SI: variants seen among roughly 807,000 people sequenced by gnomAD.
The protein encoded by SI is sucrase-isomaltase, intestinal.
A neutral mutation model predicts 253.3 loss-of-function variants in SI; 235 were observed. The ratio of observed to expected loss-of-function variants is 0.93; its 90% CI spans 0.83 to 1.03. SI has a LOEUF of 1.03. Ranked by LOEUF, SI falls within the 50% of genes least tolerant of loss-of-function variation. The probability of loss-of-function intolerance (pLI) is 0.00; values close to 1 mark genes in which losing one functional copy is unlikely to be tolerated. For missense variants in SI, 2,442 were observed against 2,211.1 expected (o/e 1.10, Z -2.09); for synonymous variants, 819 against 712.0 (o/e 1.15, Z -2.39).
At chr3:165,006,233 C>T (rs571037261) in intron 37 of SI, among the ~76,000 whole-genome samples, 87 of 152,242 alleles carry the variant, frequency 5.7e-4, no homozygotes, top group African/African-American at 2.0e-3. Flanking sequence ...CTCAGCCTCC[C>T]GAGTAACTGG....
At position 164,987,125 on chromosome 3, in the gene SI, A is replaced by G. The variant is rs1717475148; in HGVS notation, c.5197+13T>C. ...GACATCAATTAAATTTATCTACTAA[A>G]TCGAGCACTCACCTATACTCTCTCC... On this transcript the variant is annotated intron_variant, in intron 45 of 47. Coordinates refer to ENST00000264382, the MANE Select transcript of SI (RefSeq NM_001041.4). 2.5e-6 allele frequency: 4 copies of G among 1,591,414 alleles called. No individual in the cohort carries two copies. Among genetic ancestry groups the G allele is most frequent in the Non-Finnish European group, 3.4e-6 (4 of 1,159,690 alleles).
chr3:165,001,849 A>G (rs1455565497), intron 37 of SI, among the ~76,000 whole-genome samples: 1 of 151,484 alleles, frequency 6.6e-6, no homozygotes, highest in Non-Finnish European at 1.5e-5. Context: ...ATAGTTTACA[A>G]TGCCCCCACT....
intron 21 of SI, among the ~76,000 whole-genome samples, chr3:165,037,284 C>T (rs909415856): frequency 1.3e-5 from 2 of 151,878 alleles, no homozygotes; most frequent in Admixed American, 1.3e-4. Context: ...AGAGTAACTT[C>T]CTGTTGGGTT....
chr3:164,999,846 A>T (rs903457811), intron 37 of SI, among the ~76,000 whole-genome samples: 4 of 151,702 alleles, frequency 2.6e-5, no homozygotes, highest in African/African-American at 9.7e-5. Flanking sequence ...TCACTTGCTA[A>T]TAAAGGCAAT....
At chr3:165,036,861 T>C (rs1421043757) in intron 21 of SI, among the ~76,000 whole-genome samples, 2 of 151,328 alleles carry the variant, frequency 1.3e-5, no homozygotes, top group East Asian at 3.9e-4. Context: ...CTACATCTTA[T>C]GAGAAAAAAA....
At chr3:165,051,546 T>G (rs935520495) in intron 13 of SI, among the ~76,000 whole-genome samples, 1 of 152,060 alleles carries the variant, frequency 6.6e-6, no homozygotes, top group African/African-American at 2.4e-5. Flanking sequence ...GTAAACTACA[T>G]TTTTCTTCAT....
intron 33 of SI, among the ~76,000 whole-genome samples, 195 bp downstream of exon 33, chr3:165,014,928 C>G (rs1303427850): frequency 6.6e-6 from 1 of 152,032 alleles, no homozygotes; most frequent in East Asian, 1.9e-4. Context: ...CATATTTGGA[C>G]ATGTGACTTA....
intron 33 of SI, 104 bp from the exon 34 acceptor site, chr3:165,013,146 C>T (rs1392211566): frequency 2.2e-5 from 17 of 789,580 alleles, no homozygotes; most frequent in Non-Finnish European, 3.5e-5. Context: ...ATTATTAACT[C>T]AAAGTCTTCA....
At chr3:164,985,926 G>A (rs1717411889) in intron 45 of SI, among the ~76,000 whole-genome samples, 1 of 152,086 alleles carries the variant, frequency 6.6e-6, no homozygotes, top group African/African-American at 2.4e-5. Context: ...AATTTCACAT[G>A]GCTAGGAGTT....
At chr3:165,033,264 A>G in intron 23 of SI, 131 bp downstream of exon 23, 1 of 662,368 alleles carries the variant, frequency 1.5e-6, no homozygotes, top group Non-Finnish European at 2.2e-6. Flanking sequence ...TAATTGAACA[A>G]TTTATTTCAT....
intron 22 of SI, among the ~76,000 whole-genome samples, chr3:165,034,249 A>C (rs1032157153): frequency 6.6e-6 from 1 of 151,934 alleles, no homozygotes; most frequent in Non-Finnish European, 1.5e-5. Context: ...TTAAATGCAC[A>C]TAGCTACATA....
chr3:165,008,518 A>AT (rs1170882667), intron 35 of SI, among the ~76,000 whole-genome samples: 1 of 151,902 alleles, frequency 6.6e-6, no homozygotes. Context: ...GAAAAAGATA[A>AT]TTTTCTCTGG....
chr3:165,055,069 T>C (rs1713629838), intron 13 of SI, 125 bp downstream of exon 13: 2 of 642,696 alleles, frequency 3.1e-6, no homozygotes, highest in Non-Finnish European at 5.5e-6. Context: ...GGAAAAAACA[T>C]TATAGTAGCT....
chr3:165,090,012 G>A, the SI span, among the ~76,000 whole-genome samples: 1 of 151,960 alleles, frequency 6.6e-6, no homozygotes, highest in Non-Finnish European at 1.5e-5. Flanking sequence ...TGAAATCTTG[G>A]GAATTGCAAT....
At chr3:165,033,175 A>G (rs1483695321) in intron 23 of SI, among the ~76,000 whole-genome samples, 1 of 151,572 alleles carries the variant, frequency 6.6e-6, no homozygotes, top group African/African-American at 2.4e-5. Context: ...GTTTCTTTCC[A>G]TCAATTACAT....
At chr3:164,989,805 A>G (rs889143006) in intron 44 of SI, among the ~76,000 whole-genome samples, 2 of 152,206 alleles carry the variant, frequency 1.3e-5, no homozygotes, top group Middle Eastern at 3.2e-3. Context: ...TTAAATGCAT[A>G]TAACTAAGTA....
In SI at chr3:164,991,492, G is replaced by GATGGA; in HGVS notation, c.4984-20_4984-16dup. On this transcript the variant is annotated splice_polypyrimidine_tract_variant and intron_variant, in intron 43 of 47. Transcript: ENST00000264382. ...ATATCTTTGCCCTGGAAATGAAAGG[G>GATGGA]ATGGAAAGAACAGGTGGAGCAAGAA... 1 of 1,613,152 alleles carries GATGGA rather than the reference G, an allele frequency of 6.2e-7. No homozygotes were observed. The highest frequency in any genetic ancestry group is 8.5e-7 in the Non-Finnish European group (1 of 1,179,364).
At position 165,039,424 on chromosome 3, in the gene SI, T is replaced by C. The variant is rs112824421; in HGVS notation, c.2245-290A>G. ...CACATGGTCATTGTGAATGTGAATA[T>C]GTTTATTTCTGTATACCTCAATGGA... On this transcript the variant is annotated intron_variant, in intron 19 of 47. Coordinates refer to ENST00000264382, the MANE Select transcript of SI (RefSeq NM_001041.4). Among the ~76,000 whole-genome samples, 821 of 152,238 alleles carry C rather than the reference T, an allele frequency of 5.4e-3. 7 individuals are homozygous for C. The highest frequency in any genetic ancestry group is 0.019 in the African/African-American group (784 of 41,562).
chr3:165,038,540 TC>T (rs1384855862), intron 20 of SI, among the ~76,000 whole-genome samples: 1 of 136,256 alleles, frequency 7.3e-6, no homozygotes, highest in Non-Finnish European at 1.6e-5. Context: ...AAACCCCATC[TC>T]TACTAAAAAA....
Sources: allele counts gnomAD v4.1 joint callset (sites outside exome capture counted in the v4.1 genomes callset), GRCh38; gene constraint gnomAD v4.1.1; transcripts MANE v1.5; gene names NCBI Gene and HGNC (gene_info 2026-07-23, HGNC 2026-07-21).